The following NAV2 variants were observed in gnomAD, a reference collection of about 807,000 sequenced individuals.
The protein encoded by NAV2 is helicase, APC down-regulated 1.
NAV2 carries 54 observed loss-of-function variants against 223.2 expected under a neutral mutation model. The ratio of observed to expected loss-of-function variants is 0.24; its 90% confidence interval spans 0.19 to 0.30. The LOEUF is 0.30. Among genes scored for constraint, NAV2 ranks in the 10% least tolerant of loss-of-function variants. NAV2 has a pLI of 1.00. For synonymous variants in NAV2, 1,279 were observed against 1,239.3 expected, an observed-to-expected ratio of 1.03 and a Z score of -0.67; for missense variants, 2,806 against 3,147.5, an observed-to-expected ratio of 0.89 and a Z score of 2.60.
chr11:19,877,907 C>T (rs1456573813), intron 4 of NAV2, among the ~76,000 whole-genome samples: 3 of 152,166 alleles, frequency 2.0e-5, no homozygotes, highest in Non-Finnish European at 2.9e-5. Context: ...CCAAGCCTCA[C>T]ACTCTGTGAT....
intron 13 of NAV2, among the ~76,000 whole-genome samples, chr11:20,044,500 G>C (rs1405230358): frequency 6.6e-6 from 1 of 152,172 alleles, no homozygotes; most frequent in Non-Finnish European, 1.5e-5. Flanking sequence ...ATACTGAATT[G>C]GTTTAACTAG....
intron 6 of NAV2, among the ~76,000 whole-genome samples, chr11:19,894,221 G>T (rs2153154608): frequency 6.6e-6 from 1 of 152,274 alleles, no homozygotes; most frequent in East Asian, 1.9e-4. Context: ...AGATGGAGTT[G>T]AATTTGAACC....
chr11:19,713,906 G>A lies in NAV2; in HGVS notation c.211G>A (p.Gly71Arg). The A allele has an allele frequency of 6.2e-7, 1 of 1,613,640 alleles. No homozygotes were observed. The highest frequency in any genetic ancestry group is 8.5e-7 in the Non-Finnish European group (1 of 1,179,982). The change falls in exon 1 of 38, where the codon GGG becomes AGG. Residue 71 changes from glycine (G) to arginine (R), a missense_variant. Physicochemically the swap from Gly to Arg is moderately radical, Grantham distance 125. This residue lies in a region of NAV2 where 1,167 missense variants were observed against 1,180.5 expected (regional missense o/e 0.99). Transcript: ENST00000349880. This position sits in a 1 kb window ranked among gnomAD's most constrained non-coding sequence, Gnocchi z 7.2. ...QVLQGLQEPA[G>R]EGLPLRKSGS... is the part of the protein sequence containing the mutation. ...GCTGCAGGGGCTGCAGGAGCCAGCG[G>A]GGGAGGGGCTCCCGCTGCGGAAGAG...
At chr11:19,892,285 A>T in intron 5 of NAV2, 149 bp from the exon 6 acceptor site, 1 of 677,460 alleles carries the variant, frequency 1.5e-6, no homozygotes, top group South Asian at 2.7e-5. Context: ...ACATGTTTGT[A>T]ATGGTTCCAC....
intron 1 of NAV2, among the ~76,000 whole-genome samples, chr11:19,699,149 G>T (rs1334128158): frequency 6.6e-6 from 1 of 152,214 alleles, no homozygotes; most frequent in African/African-American, 2.4e-5. Flanking sequence ...TTCTGTGCCA[G>T]GTTGCTGATG....
In NAV2 at chr11:19,803,259, G is replaced by A. The variant is rs1241975608; in HGVS notation, c.268-29225G>A. Among the ~76,000 whole-genome samples the A allele has an allele frequency of 1.6e-4, 24 of 152,220 alleles. 1 individual carries two copies. Among genetic ancestry groups the A allele is most frequent in the Admixed American group, 1.5e-3 (23 of 15,284 alleles). On this transcript the variant is annotated intron_variant, in intron 1 of 37. Coordinates refer to ENST00000349880, the MANE Select transcript of NAV2 (RefSeq NM_145117.5). Reference sequence around the variant, plus strand: ...ATCACCAGTTTATCTGTTGAACTCAGGTGGAGTCTCTGATCACACAGAGCG... The same window carrying A: ...ATCACCAGTTTATCTGTTGAACTCAAGTGGAGTCTCTGATCACACAGAGCG...
At chr11:20,034,362 GTTTT>G (rs774988268) in intron 11 of NAV2, among the ~76,000 whole-genome samples, 6 of 133,272 alleles carry the variant, frequency 4.5e-5, no homozygotes, top group African/African-American at 1.3e-4. Flanking sequence ...TTTTTTTTTT[GTTTT>G]TTTTTTTTTT....
intron 11 of NAV2, among the ~76,000 whole-genome samples, chr11:19,991,676 G>A (rs1899474): frequency 0.99 from 150,595 of 152,310 alleles, 74,475 homozygotes; most frequent in East Asian, 1. Context: ...TAGAGAACAC[G>A]GATTGATGAA....
At chr11:19,757,003 G>A (rs1353516795) in intron 1 of NAV2, among the ~76,000 whole-genome samples, 1 of 141,006 alleles carries the variant, frequency 7.1e-6, no homozygotes, top group African/African-American at 2.5e-5. Flanking sequence ...CTGCTGGGCT[G>A]GACTGAGCTG....
intron 10 of NAV2, among the ~76,000 whole-genome samples, chr11:19,974,103 T>C (rs1442910599): frequency 6.6e-6 from 1 of 152,224 alleles, no homozygotes; most frequent in African/African-American, 2.4e-5. Context: ...ACTAAGAGGA[T>C]CTGAAGTTTA....
chr11:20,031,943 A>C (rs1045609425), intron 11 of NAV2, among the ~76,000 whole-genome samples: 5 of 152,150 alleles, frequency 3.3e-5, no homozygotes, highest in Non-Finnish European at 4.4e-5. Context: ...CATTCTTATC[A>C]CAGAGCATCT....
chr11:20,026,650 T>C (rs902590840), intron 11 of NAV2, among the ~76,000 whole-genome samples: 4 of 152,208 alleles, frequency 2.6e-5, no homozygotes, highest in Admixed American at 6.5e-5. Context: ...GTATCTTCTT[T>C]GGTGTGGGAA....
At chr11:19,644,728 C>T (rs942488076) in intron 1 of NAV2, among the ~76,000 whole-genome samples, 9 of 152,140 alleles carry the variant, frequency 5.9e-5, no homozygotes, top group African/African-American at 1.9e-4. Context: ...TGTGGACCTC[C>T]GCTTGTTGGG....
intron 1 of NAV2, among the ~76,000 whole-genome samples, chr11:19,391,740 TG>T (rs1849257028): frequency 6.6e-6 from 1 of 152,162 alleles, no homozygotes. Context: ...TAACAAACAC[TG>T]GAGTTAAATC....
chr11:19,705,946 C>T (rs1590120315), intron 1 of NAV2, among the ~76,000 whole-genome samples: 1 of 152,306 alleles, frequency 6.6e-6, no homozygotes, highest in East Asian at 1.9e-4. Flanking sequence ...CCCCTGGACT[C>T]TAGGCTGACC....
intron 1 of NAV2, among the ~76,000 whole-genome samples, chr11:19,367,932 G>A (rs188889554): frequency 6.6e-6 from 1 of 152,134 alleles, no homozygotes; most frequent in Non-Finnish European, 1.5e-5. Flanking sequence ...TTCATTCAAT[G>A]CATTCCTCCT....
At chr11:19,986,151 A>G (rs569301008) in intron 11 of NAV2, among the ~76,000 whole-genome samples, 112 of 152,332 alleles carry the variant, frequency 7.4e-4, no homozygotes, top group Middle Eastern at 6.8e-3. Context: ...TGGGATTACT[A>G]TAGATCACAG....
chr11:20,018,082 G>T (rs2054162506), intron 11 of NAV2, among the ~76,000 whole-genome samples: 1 of 152,060 alleles, frequency 6.6e-6, no homozygotes, highest in Admixed American at 6.6e-5. Flanking sequence ...TGCCAGGTGT[G>T]GTGGCTCACT....
intron 1 of NAV2, among the ~76,000 whole-genome samples, chr11:19,427,710 A>G (rs1472925381): frequency 6.6e-6 from 1 of 152,178 alleles, no homozygotes; most frequent in African/African-American, 2.4e-5. Flanking sequence ...TACCATTCTA[A>G]CATGTGAAAA....
Sources: allele counts gnomAD v4.1 joint callset (sites outside exome capture counted in the v4.1 genomes callset), GRCh38; gene constraint gnomAD v4.1.1; regional missense constraint gnomAD v4.1.1; non-coding constraint Gnocchi (gnomAD v3.1); transcripts MANE v1.5; gene names NCBI Gene and HGNC (gene_info 2026-07-23, HGNC 2026-07-21).